The following NAALADL2 variants were observed in gnomAD, a reference collection of about 807,000 sequenced individuals.
The protein encoded by NAALADL2 is N-acetylated alpha-linked acidic dipeptidase like 2.
NAALADL2 carries 76 observed loss-of-function variants against 87.2 expected under a neutral mutation model. That is an observed-to-expected ratio of 0.87 (90% CI 0.72 to 1.05). The LOEUF (loss-of-function observed/expected upper bound fraction) is 1.05. Among genes scored for constraint, NAALADL2 ranks in the 50% least tolerant of loss-of-function variants. The probability of loss-of-function intolerance (pLI) is 0.00; values close to 1 mark genes in which losing one functional copy is unlikely to be tolerated. For synonymous variants in NAALADL2, 354 were observed against 331.0 expected (o/e 1.07, Z -0.75); for missense variants, 1,089 against 945.8 (o/e 1.15, Z -1.99).
intron 2 of NAALADL2, among the ~76,000 whole-genome samples, chr3:175,098,704 G>GA (rs1721590938): frequency 6.6e-6 from 1 of 151,808 alleles, no homozygotes; most frequent in Admixed American, 6.6e-5. Flanking sequence ...CAGAAAAAGG[G>GA]AAAGTTGCAG....
At chr3:175,487,736 AC>A (rs376882909) in intron 9 of NAALADL2, 83 of 291,996 alleles carry the variant, frequency 2.8e-4, no homozygotes, top group African/African-American at 1.7e-3. Context: ...TGTCTGAACA[AC>A]TTAATGTAAA....
chr3:175,577,680 C>CA (rs367707042), intron 10 of NAALADL2, among the ~76,000 whole-genome samples: 3 of 151,870 alleles, frequency 2.0e-5, no homozygotes, highest in African/African-American at 7.3e-5. Context: ...TATTTATCTC[C>CA]AAAAAAAGAA....
intron 7 of NAALADL2, 142 bp from the exon 8 acceptor site, chr3:175,466,836 CA>C (rs79129100): frequency 7.3e-6 from 5 of 682,970 alleles, no homozygotes; most frequent in East Asian, 5.3e-5. Flanking sequence ...AGACAGTGAG[CA>C]AAAAAATTAA....
intron 11 of NAALADL2, among the ~76,000 whole-genome samples, chr3:175,632,398 G>A (rs1440825326): frequency 4.6e-5 from 7 of 151,370 alleles, no homozygotes; most frequent in African/African-American, 1.7e-4. Flanking sequence ...CATGCTTCCT[G>A]TACAGCCTGT....
At chr3:174,833,719 A>T (rs537392547) in intron 3 of NAALADL2, among the ~76,000 whole-genome samples, 8 of 152,226 alleles carry the variant, frequency 5.3e-5, no homozygotes, top group African/African-American at 1.9e-4. Flanking sequence ...TAAAAGCAGG[A>T]TTTATTCCCA....
chr3:175,133,504 G>A (rs1269507238), intron 2 of NAALADL2, among the ~76,000 whole-genome samples: 1 of 152,244 alleles, frequency 6.6e-6, no homozygotes, highest in Non-Finnish European at 1.5e-5. Context: ...CGGATCACTC[G>A]CAGCTAGGAG....
intron 1 of NAALADL2, among the ~76,000 whole-genome samples, chr3:174,486,331 AG>A (rs1385529246): frequency 2.0e-5 from 3 of 152,052 alleles, no homozygotes; most frequent in Admixed American, 6.6e-5. Context: ...TTGGAGCATG[AG>A]CAGGTTTTTC....
At chr3:175,787,242 AGTTC>A (rs1294140050) in intron 13 of NAALADL2, among the ~76,000 whole-genome samples, 2 of 152,096 alleles carry the variant, frequency 1.3e-5, no homozygotes, top group African/African-American at 4.8e-5. Context: ...GGCTCCACCC[AGTTC>A]GAGCTTCCCG....
intron 11 of NAALADL2, among the ~76,000 whole-genome samples, chr3:175,728,012 TG>T (rs562597040): frequency 8.4e-4 from 128 of 152,320 alleles, no homozygotes; most frequent in African/African-American, 3.0e-3. Flanking sequence ...GCTTCCTTTT[TG>T]ATAGTTGTGG....
intron 2 of NAALADL2, among the ~76,000 whole-genome samples, chr3:174,606,767 C>T (rs369448317): frequency 6.6e-6 from 1 of 152,182 alleles, no homozygotes; most frequent in South Asian, 2.1e-4. Flanking sequence ...TCCAGGAGAA[C>T]TTCCCCAATC....
intron 2 of NAALADL2, among the ~76,000 whole-genome samples, chr3:175,162,728 C>A (rs369830786): frequency 1.3e-5 from 2 of 152,044 alleles, no homozygotes; most frequent in African/African-American, 4.8e-5. Flanking sequence ...GAAATTTTGT[C>A]AAAGTAAAGC....
chr3:175,064,454 G>A (rs1005296722), intron 1 of NAALADL2, among the ~76,000 whole-genome samples: 1 of 152,142 alleles, frequency 6.6e-6, no homozygotes. Context: ...GTGCCTCAGG[G>A]CTGGCATCCA....
rs1754799358 is a variant in NAALADL2 at position 175,807,315 on chromosome 3, G to T, written c.*4112G>T. 1 of 151,934 alleles carries T rather than the reference G, an allele frequency of 6.6e-6. No homozygotes were observed. The highest frequency in any genetic ancestry group is 2.4e-5 in the African/African-American group (1 of 41,422). 9.4% of individuals were successfully genotyped at this position (151,934 alleles called of 1,614,324 possible). ...AGTAAGTTTCCCCACAGGAAAGACAGATGTTAACAAAAATAAAATAAATGA... is the reference window on the plus strand; with the variant it reads ...AGTAAGTTTCCCCACAGGAAAGACATATGTTAACAAAAATAAAATAAATGA... On this transcript the variant is annotated 3_prime_UTR_variant, in exon 14 of 14. Coordinates refer to ENST00000454872, the MANE Select transcript of NAALADL2 (RefSeq NM_207015.3).
At chr3:175,083,208 C>A (rs535344951) in intron 1 of NAALADL2, among the ~76,000 whole-genome samples, 2 of 152,166 alleles carry the variant, frequency 1.3e-5, no homozygotes, top group Non-Finnish European at 2.9e-5. Flanking sequence ...GTCCCCTGTT[C>A]CCCCGGAAAC....
chr3:175,535,675 T>C (rs569181142), intron 9 of NAALADL2, among the ~76,000 whole-genome samples: 3 of 152,276 alleles, frequency 2.0e-5, no homozygotes, highest in Admixed American at 6.5e-5. Context: ...GAGAAAGGGA[T>C]AATAGCAGGA....
chr3:175,314,718 A>G (rs1429636794), intron 4 of NAALADL2, among the ~76,000 whole-genome samples: 4 of 95,298 alleles, frequency 4.2e-5, no homozygotes, highest in Non-Finnish European at 9.0e-5. Context: ...ATATATATAT[A>G]TATAGTTAGA....
intron 1 of NAALADL2, among the ~76,000 whole-genome samples, chr3:174,999,243 T>G (rs1162608693): frequency 6.6e-6 from 1 of 152,162 alleles, no homozygotes; most frequent in Non-Finnish European, 1.5e-5. Context: ...TCTTGCATTA[T>G]AAAAGTTTTC....
chr3:175,757,513 C>T (rs924865228), intron 13 of NAALADL2, among the ~76,000 whole-genome samples: 65 of 151,930 alleles, frequency 4.3e-4, no homozygotes, highest in African/African-American at 1.4e-3. Flanking sequence ...TTTTAAAGCC[C>T]GATATTTGGT....
intron 3 of NAALADL2, among the ~76,000 whole-genome samples, chr3:174,820,727 G>A (rs927180942): frequency 6.6e-6 from 1 of 152,098 alleles, no homozygotes; most frequent in Non-Finnish European, 1.5e-5. Flanking sequence ...CTAAGAATAT[G>A]CAGCCAAGAT....
Sources: gnomAD v4.1 joint callset for allele counts (sites outside exome capture counted in the v4.1 genomes callset) on GRCh38, gnomAD v4.1.1 for gene constraint, MANE v1.5 for transcripts, NCBI Gene and HGNC (gene_info 2026-07-23, HGNC 2026-07-21) for gene names.